Variants in PPP1R13B observed in about 807,000 individuals in gnomAD.
PPP1R13B encodes apoptosis-stimulating of p53 protein 1.
Under a neutral mutation model 119.8 loss-of-function variants are expected in PPP1R13B, and 44 were observed. The observed-to-expected ratio is 0.37, with a 90% CI of 0.29 to 0.47. The LOEUF (loss-of-function observed/expected upper bound fraction) is 0.47. Among genes scored for constraint, PPP1R13B ranks in the 20% least tolerant of loss-of-function variants. PPP1R13B has a pLI of 0.99. For synonymous variants in PPP1R13B, 542 were observed against 561.5 expected (o/e 0.97, Z 0.49); for missense variants, 1,227 against 1,413.5 (o/e 0.87, Z 2.12).
At chr14:103,761,202 AG>A (rs1250892249) in intron 4 of PPP1R13B, among the ~76,000 whole-genome samples, 1 of 143,384 alleles carries the variant, frequency 7.0e-6, no homozygotes, top group African/African-American at 2.6e-5. Context: ...TGAGCCTGGG[AG>A]GTTGAGAATG....
chr14:103,826,772 G>A (rs1299813907), intron 1 of PPP1R13B, among the ~76,000 whole-genome samples: 1 of 151,468 alleles, frequency 6.6e-6, no homozygotes, highest in Admixed American at 6.6e-5. Context: ...ACTTTGGGAG[G>A]CCAAGGCGGG....
Position 103,742,170 on chromosome 14 carries a change from C to T in PPP1R13B, c.1442G>A (p.Arg481Lys). Reference protein sequence around the residue: ...LGPGSTSSLERRKEGSLPRPS... With the variant: ...LGPGSTSSLEKRKEGSLPRPS... ...CCTGGGCAAGCTGCCTTCCTTCCTC[C>T]TTTCCAGGGAGCTTGTCGACCCAGG... Residue 481 changes from arginine (R) to lysine (K), a missense_variant, in exon 11 of 17, where the codon AGG becomes AAG. Arg to Lys is a conservative substitution (Grantham distance 26, BLOSUM62 2). Coordinates refer to ENST00000202556, the MANE Select transcript of PPP1R13B (RefSeq NM_015316.3). The surrounding 1 kb of genome is among the most constrained non-coding windows in gnomAD (Gnocchi z 4.9). 6.2e-7 allele frequency: 1 copy of T among 1,608,990 alleles called. No homozygotes were observed. Among genetic ancestry groups the T allele is most frequent in the Non-Finnish European group, 8.5e-7 (1 of 1,179,992 alleles).
chr14:103,740,370 T>G lies in PPP1R13B; in HGVS notation c.2046A>C (p.Pro682=). The stretch of plus-strand genomic sequence containing the variant: ...GGTCTGCATCACTCTGGTAGCGCAG[T>G]GGCGAATGCACGATGGGCGTGAGCT... ...PTKLTPIVHS[P]LRYQSDADLE... The change falls in exon 12 of 17, where the codon CCA becomes CCC. Residue 682 remains proline (P), a synonymous_variant. Transcript: ENST00000202556. The surrounding 1 kb of genome is among the most constrained non-coding windows in gnomAD (Gnocchi z 4.6). 6.4e-7 allele frequency: 1 copy of G among 1,566,730 alleles called. No homozygotes were observed. The highest frequency in any genetic ancestry group is 8.7e-7 in the Non-Finnish European group (1 of 1,153,846).
At chr14:103,844,873 T>C (rs984615452) in intron 1 of PPP1R13B, among the ~76,000 whole-genome samples, 4 of 152,254 alleles carry the variant, frequency 2.6e-5, no homozygotes, top group African/African-American at 4.8e-5. Context: ...TGTGCTAGTC[T>C]GAGCTGAGGT....
chr14:103,828,398 G>C (rs1274355322), intron 1 of PPP1R13B, among the ~76,000 whole-genome samples: 1 of 147,582 alleles, frequency 6.8e-6, no homozygotes, highest in African/African-American at 2.5e-5. Flanking sequence ...AGTGCAAGAA[G>C]CCAAAACCCA....
intron 1 of PPP1R13B, among the ~76,000 whole-genome samples, chr14:103,841,883 A>T (rs2152088161): frequency 6.6e-6 from 1 of 152,312 alleles, no homozygotes; most frequent in East Asian, 1.9e-4. Flanking sequence ...CAGCTACTGG[A>T]CCAACCATAA....
intron 3 of PPP1R13B, among the ~76,000 whole-genome samples, chr14:103,780,809 T>C (rs867840566): frequency 1.6e-5 from 2 of 126,314 alleles, no homozygotes; most frequent in African/African-American, 2.9e-5. Context: ...ACTCTGTCTC[T>C]AAAAAAAAAA....
chr14:103,804,715 T>C (rs974855930), intron 1 of PPP1R13B, among the ~76,000 whole-genome samples: 5 of 151,738 alleles, frequency 3.3e-5, no homozygotes, highest in African/African-American at 4.8e-5. Flanking sequence ...GCCTGGGTGA[T>C]AGAGTGAGAT....
chr14:103,798,150 CTCTT>C (rs1464518721), intron 1 of PPP1R13B, among the ~76,000 whole-genome samples: 1 of 117,458 alleles, frequency 8.5e-6, no homozygotes, highest in Non-Finnish European at 1.8e-5. Context: ...ATATAATAAT[CTCTT>C]TTTTTTTTTT....
chr14:103,746,346 C>T (rs1259561532), intron 9 of PPP1R13B, 27 bp downstream of exon 9: 1 of 1,184,094 alleles, frequency 8.4e-7, no homozygotes, highest in South Asian at 1.7e-5. Context: ...CAAACTCTCC[C>T]CCAGGAAGAG....
In PPP1R13B at chr14:103,737,735, T is replaced by C; in HGVS notation, c.2990A>G (p.Glu997Gly). 6.2e-7 allele frequency: 1 copy of C among 1,614,240 alleles called. No homozygotes were observed. Among genetic ancestry groups the C allele is most frequent in the Non-Finnish European group, 8.5e-7 (1 of 1,180,034 alleles). Residue 997 changes from glutamate to glycine, a missense_variant, in exon 15 of 17, where the codon GAG (glutamate) becomes GGG (glycine). Transcript: ENST00000202556. ...GCACTGGATGTAGCCTTCCTCCATC[T>C]CCTCACACTTGTCTGCAGCAGTTTC... ...DIETAADKCE[E>G]MEEGYIQCSQ...
rs148938363 is a variant in PPP1R13B, at chr14:103,844,715, G to C, written c.9+2584C>G. The stretch of plus-strand genomic sequence containing the variant: ...CACTCCAGCCTGGGCAACAGAGTGA[G>C]ACTCTGTCACAAAAAAAGAAAAAAA... On this transcript the variant is annotated intron_variant, in intron 1 of 16. Transcript: ENST00000202556. 2.6e-3 allele frequency among the ~76,000 whole-genome samples: 401 copies of C among 152,140 alleles called. 1 individual carries two copies. Among genetic ancestry groups the C allele is most frequent in the Middle Eastern group, 0.01 (3 of 294 alleles).
At chr14:103,782,489 C>A (rs191417461) in intron 3 of PPP1R13B, among the ~76,000 whole-genome samples, 9 of 152,294 alleles carry the variant, frequency 5.9e-5, no homozygotes, top group Non-Finnish European at 1.2e-4. Flanking sequence ...AGGATAAATT[C>A]TCAGAAATGA....
At chr14:103,827,556 T>C (rs1595831691) in intron 1 of PPP1R13B, among the ~76,000 whole-genome samples, 1 of 151,214 alleles carries the variant, frequency 6.6e-6, no homozygotes, top group Non-Finnish European at 1.5e-5. Context: ...TAGTATGATA[T>C]AGTATATATC....
chr14:103,803,538 G>A (rs1412816316), intron 1 of PPP1R13B, among the ~76,000 whole-genome samples: 1 of 152,158 alleles, frequency 6.6e-6, no homozygotes, highest in Non-Finnish European at 1.5e-5. Flanking sequence ...AGCTACTCGG[G>A]AGGCTGAGGC....
In PPP1R13B at chr14:103,739,977, A is replaced by G. The variant is rs777146038; in HGVS notation, c.2439T>C (p.Thr813=). ...ELICPQTTHQ[T]AEPAEDNNNN... ...TGTTATTGTCCTCTGCCGGCTCGGC[A>G]GTTTGGTGGGTGGTTTGGGGACAGA... The change falls in exon 12 of 17, where the codon ACT becomes ACC. Residue 813 remains threonine (T), a synonymous_variant. Transcript: ENST00000202556. The G allele has an allele frequency of 7.4e-6, 12 of 1,613,936 alleles. No individual in the cohort carries two copies. The South Asian group carries it at 1.2e-4, about 16-fold the overall frequency.
intron 4 of PPP1R13B, among the ~76,000 whole-genome samples, chr14:103,767,400 C>A (rs1422852338): frequency 3.3e-5 from 5 of 151,822 alleles, no homozygotes; most frequent in Non-Finnish European, 7.4e-5. Context: ...ATCACCATAC[C>A]CTTGAAACTG....
intron 4 of PPP1R13B, among the ~76,000 whole-genome samples, chr14:103,767,151 C>CA (rs1450916397): frequency 6.6e-6 from 1 of 151,888 alleles, no homozygotes; most frequent in African/African-American, 2.4e-5. Context: ...ACCATCTCTA[C>CA]AAAAAAATTT....
rs1053523805 is a variant in PPP1R13B, at chr14:103,831,165, G to A, written c.9+16134C>T. Among the ~76,000 whole-genome samples, 8 of 151,798 alleles carry A rather than the reference G, an allele frequency of 5.3e-5. No homozygotes were observed. In the East Asian group the frequency reaches 5.8e-4, roughly 11 times the overall value. On this transcript the variant is annotated intron_variant, in intron 1 of 16. Coordinates refer to ENST00000202556, the MANE Select transcript of PPP1R13B (RefSeq NM_015316.3). Reference sequence around the variant, plus strand: ...TCACCACATTAGTCAGGATGGTCTCGATCCCCTGACCTCATGATCTGCCCA... The same window carrying A: ...TCACCACATTAGTCAGGATGGTCTCAATCCCCTGACCTCATGATCTGCCCA...
Sources: gnomAD v4.1 joint callset for allele counts (sites outside exome capture counted in the v4.1 genomes callset) on GRCh38, gnomAD v4.1.1 for gene constraint, Gnocchi (gnomAD v3.1) non-coding constraint, MANE v1.5 for transcripts, NCBI Gene and HGNC (gene_info 2026-07-23, HGNC 2026-07-21) for gene names.